SESN2: variants seen among roughly 807,000 people sequenced by gnomAD.
SESN2 encodes the protein sestrin 2, also known as sestrin-2.
In SESN2, 42 loss-of-function variants were observed where a neutral mutation model predicts 56.0. The ratio of observed to expected loss-of-function variants is 0.75; its 90% confidence interval spans 0.59 to 0.97. The LOEUF (loss-of-function observed/expected upper bound fraction) is 0.97, where lower values mean the gene tolerates loss of function less well. Ranked by LOEUF, SESN2 falls within the 50% of genes least tolerant of loss-of-function variation. The pLI is 0.00. For missense variants in SESN2, 507 were observed against 649.4 expected, an observed-to-expected ratio of 0.78 and a Z score of 2.38; for synonymous variants, 264 against 267.1, an observed-to-expected ratio of 0.99 and a Z score of 0.11.
chr1:28,267,425 A>G (rs914586834), intron 1 of SESN2, among the ~76,000 whole-genome samples: 2 of 152,138 alleles, frequency 1.3e-5, no homozygotes, highest in African/African-American at 4.8e-5. Context: ...GAGACTTTGT[A>G]GTCTTCTGGA....
intron 1 of SESN2, among the ~76,000 whole-genome samples, chr1:28,261,651 C>T (rs1647378533): frequency 6.6e-6 from 1 of 152,198 alleles, no homozygotes; most frequent in Non-Finnish European, 1.5e-5. Context: ...AGATCAGACA[C>T]TGTACACCCC....
Position 28,272,770 on chromosome 1 carries a change from A to C in SESN2, c.727A>C (p.Arg243=). The C allele has an allele frequency of 6.2e-7, 1 of 1,602,624 alleles. No homozygotes were observed. The highest frequency in any genetic ancestry group is 1.3e-5 in the African/African-American group (1 of 74,844). Residue 243 remains arginine (R), a synonymous_variant, in exon 5 of 10, where the codon AGG becomes CGG. Coordinates refer to ENST00000253063, the MANE Select transcript of SESN2 (RefSeq NM_031459.5). ...PPSEQSSPPS[R]DPLNNSGGFE... ...TAGTGAACAGAGCAGCCCCCCAAGCAGGGACCCGTTGAACAACTCTGGGGT... is the reference window on the plus strand; with the variant it reads ...TAGTGAACAGAGCAGCCCCCCAAGCCGGGACCCGTTGAACAACTCTGGGGT...
chr1:28,278,054 G>A (rs1167018355), intron 8 of SESN2, among the ~76,000 whole-genome samples: 1 of 152,142 alleles, frequency 6.6e-6, no homozygotes, highest in Non-Finnish European at 1.5e-5. Context: ...ACTAGACTGG[G>A]GATAACTAAG....
In SESN2 at chr1:28,279,085, C is replaced by T. The variant is rs762702251; in HGVS notation, c.1212-12C>T. The T allele has an allele frequency of 1.2e-6, 2 of 1,613,950 alleles. No homozygotes were observed. Among genetic ancestry groups the T allele is most frequent in the Non-Finnish European group, 1.7e-6 (2 of 1,179,920 alleles). The stretch of plus-strand genomic sequence containing the variant: ...AAAGCATGAGTAATGCTGCTGGGAC[C>T]TTTCCATCCAGATATGATGACTATG... On this transcript the variant is annotated splice_polypyrimidine_tract_variant and intron_variant, in intron 8 of 9. Transcript: ENST00000253063.
At chr1:28,261,772 TTCTTA>T (rs1647381338) in intron 1 of SESN2, among the ~76,000 whole-genome samples, 1 of 149,986 alleles carries the variant, frequency 6.7e-6, no homozygotes, top group Non-Finnish European at 1.5e-5. Flanking sequence ...AGGTTTCTTT[TTCTTA>T]TCTTTTTTTT....
chr1:28,280,015 C>T (rs1313670207), intron 9 of SESN2, among the ~76,000 whole-genome samples: 1 of 151,994 alleles, frequency 6.6e-6, no homozygotes, highest in Non-Finnish European at 1.5e-5. Flanking sequence ...TTTTTAAATT[C>T]CTAGTAGAGA....
At chr1:28,275,525 C>T (rs924969861) in intron 8 of SESN2, among the ~76,000 whole-genome samples, 10 of 144,666 alleles carry the variant, frequency 6.9e-5, no homozygotes, top group African/African-American at 2.6e-4. Context: ...GAGGCCGAGG[C>T]GGGCGGATCA....
intron 8 of SESN2, among the ~76,000 whole-genome samples, chr1:28,276,601 C>CAA (rs1251356124): frequency 1.9e-5 from 1 of 52,228 alleles, no homozygotes; most frequent in African/African-American, 9.1e-5. Flanking sequence ...TTTTTTGAGA[C>CAA]AGAGTTTCAA....
rs772064072 is a variant in SESN2, at chr1:28,273,341, C to T, written c.751-17C>T. 16 of 1,560,234 alleles carry T rather than the reference C, an allele frequency of 1.0e-5. No homozygotes were observed. Among genetic ancestry groups the T allele is most frequent in the East Asian group, 2.3e-5 (1 of 44,250 alleles). Reference sequence around the variant, plus strand: ...AAGGAGGAGGAGTAGCTGGTCACCACGGGGCCTCTCCTGCAGGGCTTTGAG... The same window carrying T: ...AAGGAGGAGGAGTAGCTGGTCACCATGGGGCCTCTCCTGCAGGGCTTTGAG... On this transcript the variant is annotated splice_polypyrimidine_tract_variant and intron_variant, in intron 5 of 9. Coordinates refer to ENST00000253063, the MANE Select transcript of SESN2 (RefSeq NM_031459.5).
intron 1 of SESN2, among the ~76,000 whole-genome samples, chr1:28,263,351 G>A (rs550223088): frequency 8.6e-4 from 131 of 152,282 alleles, no homozygotes; most frequent in African/African-American, 2.7e-3. Context: ...GCTCATGATG[G>A]GCAGACAAGT....
chr1:28,279,540 G>A (rs1648162369), intron 9 of SESN2, among the ~76,000 whole-genome samples: 1 of 151,706 alleles, frequency 6.6e-6, no homozygotes, highest in African/African-American at 2.4e-5. Flanking sequence ...ACATTATCTC[G>A]CTGAGTTTTT....
Position 28,274,097 on chromosome 1 carries a change from CT to C in SESN2, c.962del (p.Phe321SerfsTer31). 6.2e-7 allele frequency: 1 copy of C among 1,614,184 alleles called. No individual in the cohort carries two copies. The highest frequency in any genetic ancestry group is 8.5e-7 in the Non-Finnish European group (1 of 1,180,018). Reference sequence around the variant, plus strand: ...ATGCTGTGCTTTGTGGAAGACCCTACTTTCGGATATGAGGACTTCACTCGGA... The same window carrying C: ...ATGCTGTGCTTTGTGGAAGACCCTACTTCGGATATGAGGACTTCACTCGGA... ...PDMLCFVEDP[T>X]FGYEDFTRRG... On this transcript the variant is annotated frameshift_variant, in exon 7 of 10. Transcript: ENST00000253063. LOFTEE classifies it high-confidence loss of function.
intron 1 of SESN2, among the ~76,000 whole-genome samples, chr1:28,264,788 A>G (rs545651091): frequency 1.3e-5 from 2 of 152,260 alleles, no homozygotes; most frequent in Non-Finnish European, 2.9e-5. Context: ...ACATTCCATC[A>G]TCGCAGAAAA....
chr1:28,275,865 G>A (rs1008309261), intron 8 of SESN2, among the ~76,000 whole-genome samples: 2 of 152,050 alleles, frequency 1.3e-5, no homozygotes, highest in South Asian at 4.1e-4. Context: ...ACGAGCTTGG[G>A]CAACATAGTG....
chr1:28,263,404 C>T (rs1333461197), intron 1 of SESN2, among the ~76,000 whole-genome samples: 1 of 152,176 alleles, frequency 6.6e-6, no homozygotes, highest in Non-Finnish European at 1.5e-5. Context: ...CTGCCCACTC[C>T]AAGGCTGGAG....
chr1:28,280,918 G>A lies in SESN2; in HGVS notation c.*116G>A. On this transcript the variant is annotated 3_prime_UTR_variant, in exon 10 of 10. Transcript: ENST00000253063. ...CCTCCCCACGCTGCAGTGGGCTTGT[G>A]TGTGATGTGCAGTCCCGAAGCCACA... is the stretch of plus-strand genomic sequence containing the variant. 2.6e-6 allele frequency: 2 copies of A among 763,692 alleles called. No homozygotes were observed. Among genetic ancestry groups the A allele is most frequent in the Non-Finnish European group, 2.3e-6 (1 of 442,920 alleles). 47.3% of individuals were successfully genotyped at this position (763,692 alleles called of 1,614,324 possible). A position where few individuals can be genotyped will look rare whatever the true frequency, so the allele number is the denominator to read the frequency against.
Position 28,274,854 on chromosome 1 carries a change from G to C in SESN2, c.1050G>C (p.Ser350=). 1 of 1,614,006 alleles carries C rather than the reference G, an allele frequency of 6.2e-7. No homozygotes were observed. The highest frequency in any genetic ancestry group is 8.5e-7 in the Non-Finnish European group (1 of 1,179,914). Residue 350 remains serine (S), a synonymous_variant, in exon 8 of 10, where the codon TCG becomes TCC. Coordinates refer to ENST00000253063, the MANE Select transcript of SESN2 (RefSeq NM_031459.5). ...ATACCTGGGAAGACCATGGCTACTC[G>C]CTGATCCAGCGGCTTTACCCTGAGG... ...QDYTWEDHGY[S]LIQRLYPEGG... is the part of the protein sequence containing the mutation.
chr1:28,279,391 C>G, intron 9 of SESN2, 150 bp downstream of exon 9: 1 of 727,692 alleles, frequency 1.4e-6, no homozygotes, highest in Non-Finnish European at 2.2e-6. Flanking sequence ...AAGTCCTATT[C>G]CACTGTGTGA....
At chr1:28,277,872 C>T (rs185504469) in intron 8 of SESN2, among the ~76,000 whole-genome samples, 44 of 152,314 alleles carry the variant, frequency 2.9e-4, no homozygotes, top group African/African-American at 9.9e-4. Context: ...CAAGGACAGG[C>T]TTCTTAGAAT....
Sources: allele counts gnomAD v4.1 joint callset (sites outside exome capture counted in the v4.1 genomes callset), GRCh38; gene constraint gnomAD v4.1.1; transcripts MANE v1.5; gene names NCBI Gene and HGNC (gene_info 2026-07-23, HGNC 2026-07-21).